SASH1: variants seen among roughly 807,000 people sequenced by gnomAD.
The protein encoded by SASH1 is SAM and SH3 domain-containing protein 1.
Under a neutral mutation model 125.2 loss-of-function variants are expected in SASH1, and 44 were observed. That is an observed-to-expected ratio of 0.35 (90% CI 0.28 to 0.45). The LOEUF (loss-of-function observed/expected upper bound fraction) is 0.45. Among genes scored for constraint, SASH1 ranks in the 20% least tolerant of loss-of-function variants. The pLI, the probability that SASH1 is intolerant of heterozygous loss-of-function variation, is 1.00. For synonymous variants in SASH1, 639 were observed against 649.1 expected, an observed-to-expected ratio of 0.98 and a Z score of 0.24; for missense variants, 1,426 against 1,614.5, an observed-to-expected ratio of 0.88 and a Z score of 2.00.
Position 148,487,731 on chromosome 6 carries a change from CTT to C in SASH1, c.729+18_729+19del. The C allele has an allele frequency of 6.5e-7, 1 of 1,538,888 alleles. No individual in the cohort carries two copies. The highest frequency in any genetic ancestry group is 9.0e-7 in the Non-Finnish European group (1 of 1,112,342). ...AAACTGCAATGTGAGTTTATCATGT[CTT>C]TGACATCTTGATCACCTACGCCGAT... On this transcript the variant is annotated intron_variant, in intron 8 of 19. Transcript: ENST00000367467.
At chr6:148,218,997 G>T in the SASH1 span, among the ~76,000 whole-genome samples, 1 of 152,218 alleles carries the variant, frequency 6.6e-6, no homozygotes, top group African/African-American at 2.4e-5. Context: ...TGGAGGTGCT[G>T]AGGTAAGGAC....
intron 1 of SASH1, among the ~76,000 whole-genome samples, chr6:148,316,737 G>A (rs968318204): frequency 6.6e-5 from 10 of 152,148 alleles, no homozygotes; most frequent in African/African-American, 2.4e-4. Flanking sequence ...GATTATAAAT[G>A]TTTTTCAGAG....
chr6:148,492,022 A>C (rs1356204501), intron 8 of SASH1, among the ~76,000 whole-genome samples: 1 of 152,178 alleles, frequency 6.6e-6, no homozygotes, highest in Admixed American at 6.5e-5. Flanking sequence ...TTCAAACCCA[A>C]CTTGGGGGAG....
intron 1 of SASH1, among the ~76,000 whole-genome samples, chr6:148,387,580 CTTT>C (rs1562370890): frequency 3.5e-3 from 21 of 5,958 alleles, no homozygotes; most frequent in Non-Finnish European, 5.4e-3. Flanking sequence ...TTCTTTCTTT[CTTT>C]CTTTCTTTCT....
chr6:148,442,427 C>G (rs1420072570), intron 4 of SASH1, among the ~76,000 whole-genome samples: 1 of 152,108 alleles, frequency 6.6e-6, no homozygotes, highest in Non-Finnish European at 1.5e-5. Flanking sequence ...TTTAAAGTTA[C>G]AGTAAAGTTT....
At chr6:148,390,736 C>T (rs1012414024) in intron 2 of SASH1, among the ~76,000 whole-genome samples, 27 of 149,902 alleles carry the variant, frequency 1.8e-4, no homozygotes, top group African/African-American at 6.7e-4. Context: ...TGCAGTGAGC[C>T]AAGATCACGC....
At chr6:148,363,358 C>A (rs1782321994) in intron 1 of SASH1, among the ~76,000 whole-genome samples, 1 of 151,408 alleles carries the variant, frequency 6.6e-6, no homozygotes, top group African/African-American at 2.4e-5. Context: ...CCCAGACTGG[C>A]CTCAAACTCC....
intron 1 of SASH1, chr6:148,379,984 GC>G: frequency 2.2e-6 from 1 of 456,082 alleles, no homozygotes; most frequent in South Asian, 1.6e-5. Context: ...GAACGTAGGT[GC>G]CACACAAAGA....
chr6:148,499,021 G>A (rs1221541077), intron 8 of SASH1, among the ~76,000 whole-genome samples: 1 of 147,494 alleles, frequency 6.8e-6, no homozygotes, highest in Admixed American at 6.8e-5. Context: ...TTTGAATGTT[G>A]TCACAATTAC....
intron 7 of SASH1, among the ~76,000 whole-genome samples, chr6:148,485,248 A>G (rs896584835): frequency 3.3e-5 from 5 of 152,154 alleles, no homozygotes. Flanking sequence ...GATACTCTCA[A>G]TCATACAGGG....
intron 8 of SASH1, among the ~76,000 whole-genome samples, chr6:148,503,345 A>G (rs1779638869): frequency 6.6e-6 from 1 of 152,216 alleles, no homozygotes; most frequent in South Asian, 2.1e-4. Context: ...GACATGTTAG[A>G]AATTTTACCA....
At chr6:148,335,082 G>A (rs1170655394) in intron 1 of SASH1, among the ~76,000 whole-genome samples, 4 of 151,828 alleles carry the variant, frequency 2.6e-5, no homozygotes, top group African/African-American at 9.7e-5. Flanking sequence ...TGGATCACCT[G>A]AGGTCGGGAG....
At chr6:148,372,961 G>A (rs1408530902) in intron 1 of SASH1, among the ~76,000 whole-genome samples, 2 of 151,978 alleles carry the variant, frequency 1.3e-5, no homozygotes, top group Admixed American at 6.5e-5. Context: ...TTGGGAGGAC[G>A]AGGTGGGCAG....
intron 10 of SASH1, chr6:148,525,064 C>T: frequency 3.8e-6 from 2 of 522,054 alleles, no homozygotes; most frequent in Non-Finnish European, 6.9e-6. Flanking sequence ...GATTCTAGAC[C>T]TCTGGGGTAG....
the SASH1 span, among the ~76,000 whole-genome samples, chr6:148,214,688 G>C: frequency 6.6e-6 from 1 of 152,170 alleles, no homozygotes; most frequent in Admixed American, 6.5e-5. Context: ...GTGCCTAGCT[G>C]TATATTTGGT....
intron 7 of SASH1, among the ~76,000 whole-genome samples, chr6:148,476,910 G>A (rs1193944802): frequency 6.6e-6 from 1 of 152,054 alleles, no homozygotes; most frequent in Non-Finnish European, 1.5e-5. Flanking sequence ...AAATAAACCC[G>A]TGCATCTGCA....
rs144552261 is a variant in SASH1, at chr6:148,513,934, C to G, written c.730-390C>G. 9.2e-4 allele frequency: 907 copies of G among 990,412 alleles called. 11 individuals carry two copies. In the African/African-American group the frequency reaches 0.015, roughly 16 times the overall value. The allele number at this position is 990,412 out of a possible 1,614,324, so 61.4% of individuals were successfully genotyped here. A position where few individuals can be genotyped will look rare whatever the true frequency, so the allele number is the denominator to read the frequency against. ...TGATGACCACGTTAAACAGCAAGCCCTGATGGGCCAGACAGATGAGAGCCT... is the reference window on the plus strand; with the variant it reads ...TGATGACCACGTTAAACAGCAAGCCGTGATGGGCCAGACAGATGAGAGCCT... On this transcript the variant is annotated intron_variant, in intron 8 of 19. Coordinates refer to ENST00000367467, the MANE Select transcript of SASH1 (RefSeq NM_015278.5).
chr6:148,322,259 T>C (rs1044428256), intron 1 of SASH1, among the ~76,000 whole-genome samples: 13 of 151,924 alleles, frequency 8.6e-5, no homozygotes, highest in South Asian at 2.1e-4. Flanking sequence ...GCTGAGGGCA[T>C]GAGAATCAGT....
At chr6:148,417,817 C>A (rs1359733857) in intron 2 of SASH1, among the ~76,000 whole-genome samples, 1 of 151,874 alleles carries the variant, frequency 6.6e-6, no homozygotes, top group Non-Finnish European at 1.5e-5. Context: ...GTGTATGGCA[C>A]CCAGTTAGCA....
Sources: allele counts gnomAD v4.1 joint callset (sites outside exome capture counted in the v4.1 genomes callset), GRCh38; gene constraint gnomAD v4.1.1; transcripts MANE v1.5; gene names NCBI Gene and HGNC (gene_info 2026-07-23, HGNC 2026-07-21).